P2RY8: variants seen among roughly 807,000 people sequenced by gnomAD.
P2RY8 encodes P2Y receptor family member 8.
A neutral mutation model predicts 10.0 loss-of-function variants in P2RY8; 6 were observed. That is an observed-to-expected ratio of 0.60 (90% CI 0.33 to 1.19). The LOEUF (loss-of-function observed/expected upper bound fraction) is 1.19. Ranked by LOEUF, P2RY8 falls within the 50% of genes most tolerant of loss-of-function variation. The probability of loss-of-function intolerance (pLI) is 0.04; values close to 1 mark genes in which losing one functional copy is unlikely to be tolerated. For synonymous variants in P2RY8, 276 were observed against 252.5 expected (o/e 1.09, Z -0.88); for missense variants, 456 against 542.0 (o/e 0.84, Z 1.58).
chrX:1,515,933 G>C (rs1187591373), intron 1 of P2RY8, among the ~76,000 whole-genome samples: 1 of 75,850 alleles, frequency 1.3e-5, no homozygotes, highest in Admixed American at 1.4e-4. Context: ...CAGCACTTTG[G>C]GAGGCCGAGG....
chrX:1,509,796 C>CTAT lies in P2RY8; in HGVS notation c.-25+27124_-25+27125insATA, dbSNP rs1556682883. Among the ~76,000 whole-genome samples the CTAT allele has an allele frequency of 9.2e-3, 958 of 104,448 alleles. 51 individuals carry two copies. The highest frequency in any genetic ancestry group is 0.029 in the Middle Eastern group (3 of 102). 68.5% of individuals were successfully genotyped at this position (104,448 alleles called of 152,430 possible). A position where few individuals can be genotyped will look rare whatever the true frequency, so the allele number is the denominator to read the frequency against. ...ATCTATCTATCATCTATGTATCCAT[C>CTAT]CTATCTATCTATCTATCTATCTATC... On this transcript the variant is annotated intron_variant, in intron 1 of 1. Transcript: ENST00000381297.
chrX:1,520,434 G>A (rs2092382653), intron 1 of P2RY8, among the ~76,000 whole-genome samples: 1 of 149,592 alleles, frequency 6.7e-6, no homozygotes, highest in Admixed American at 6.7e-5. Context: ...TAATCTCTCT[G>A]GTCCCCAATA....
chrX:1,491,293 C>G (rs2149391193), intron 1 of P2RY8, among the ~76,000 whole-genome samples: 1 of 152,172 alleles, frequency 6.6e-6, no homozygotes, highest in East Asian at 1.9e-4. Context: ...GAATGATACC[C>G]AGATATTCCC....
Position 1,490,388 on chromosome X carries a change from G to A in P2RY8, c.-24-23806C>T, listed in dbSNP as rs1272253059. ...ATACCCAGATATTCCCTGCAAATGT[G>A]GAGGGAATGAATGAATGATACCCCA... On this transcript the variant is annotated intron_variant, in intron 1 of 1. Coordinates refer to ENST00000381297, the MANE Select transcript of P2RY8 (RefSeq NM_178129.5). Among the ~76,000 whole-genome samples the A allele has an allele frequency of 2.7e-5, 4 of 150,062 alleles. 1 individual carries two copies. Among genetic ancestry groups the A allele is most frequent in the Non-Finnish European group, 5.9e-5 (4 of 67,588 alleles).
At chrX:1,511,039 C>T (rs2092294615) in intron 1 of P2RY8, among the ~76,000 whole-genome samples, 1 of 150,754 alleles carries the variant, frequency 6.6e-6, no homozygotes, top group Admixed American at 6.6e-5. Context: ...AATTAGCCAG[C>T]TGTGGTGGCA....
At chrX:1,476,837 A>G (rs2091879836) in intron 1 of P2RY8, among the ~76,000 whole-genome samples, 1 of 151,976 alleles carries the variant, frequency 6.6e-6, no homozygotes, top group African/African-American at 2.4e-5. Flanking sequence ...CACCACAGAG[A>G]AGCATCCAGC....
Position 1,465,745 on chromosome X carries a change from A to G in P2RY8, c.814T>C (p.Tyr272His). Residue 272 changes from tyrosine to histidine, a missense_variant, in exon 2 of 2, where the codon TAC becomes CAC. Tyr to His is a moderately conservative substitution (Grantham distance 83). Transcript: ENST00000381297. ...VSRLFYGKSY[Y>H]HVYKLTLCLS... ...CACAGCGTGAGCTTGTACACGTGGT[A>G]GTAGCTCTTGCCGTAGAACAGGCGG... 1 of 1,613,720 alleles carries G rather than the reference A, an allele frequency of 6.2e-7. No individual in the cohort carries two copies. The highest frequency in any genetic ancestry group is 8.5e-7 in the Non-Finnish European group (1 of 1,179,844).
chrX:1,533,999 A>G (rs1380133298), intron 1 of P2RY8, among the ~76,000 whole-genome samples: 1 of 124,710 alleles, frequency 8.0e-6, no homozygotes, highest in African/African-American at 3.2e-5. Context: ...TTTATATATT[A>G]TTTATATATT....
At chrX:1,527,097 G>A (rs1603458639) in intron 1 of P2RY8, among the ~76,000 whole-genome samples, 1 of 152,196 alleles carries the variant, frequency 6.6e-6, no homozygotes, top group Admixed American at 6.5e-5. Flanking sequence ...GTTTCACCAC[G>A]CTGGCCAGGC....
At chrX:1,516,334 G>A (rs2092348802) in intron 1 of P2RY8, among the ~76,000 whole-genome samples, 1 of 152,100 alleles carries the variant, frequency 6.6e-6, no homozygotes, top group African/African-American at 2.4e-5. Context: ...ACAACCCTGT[G>A]GGGACACAGG....
At chrX:1,526,244 C>T (rs1482926020) in intron 1 of P2RY8, among the ~76,000 whole-genome samples, 1 of 151,774 alleles carries the variant, frequency 6.6e-6, no homozygotes, top group Non-Finnish European at 1.5e-5. Context: ...ATCCATACAT[C>T]CACTATTCAT....
chrX:1,489,354 A>C (rs1281876673), intron 1 of P2RY8, among the ~76,000 whole-genome samples: 1 of 151,666 alleles, frequency 6.6e-6, no homozygotes, highest in Admixed American at 6.6e-5. Flanking sequence ...GAATGAATGA[A>C]CGACACCTAA....
chrX:1,497,221 C>A (rs868762867), intron 1 of P2RY8, among the ~76,000 whole-genome samples: 360 of 84,444 alleles, frequency 4.3e-3, no homozygotes, highest in African/African-American at 4.9e-3. Context: ...GACTCCGTCT[C>A]AAAAAAAAAA....
Position 1,462,883 on chromosome X carries a change from C to T in P2RY8, c.*2596G>A, listed in dbSNP as rs1270425911. 4.3e-6 allele frequency: 1 copy of T among 231,950 alleles called. No individual in the cohort carries two copies. Among genetic ancestry groups the T allele is most frequent in the African/African-American group, 2.2e-5 (1 of 45,180 alleles). 14.4% of individuals were successfully genotyped at this position (231,950 alleles called of 1,614,324 possible). On this transcript the variant is annotated 3_prime_UTR_variant, in exon 2 of 2. Transcript: ENST00000381297. ...TTTCACTCAAAGCTCAACCAGTGAA[C>T]AGACTGAGTCAGCTTCCAGGAAACA...
At position 1,466,150 on chromosome X, in the gene P2RY8, G is replaced by A. The variant is rs2091672695; in HGVS notation, c.409C>T (p.Arg137Cys). ...GCACACGCGGCCACCGCGTAACGAC[G>A]GCGGCGCCAGCGCTTGGAGCTGAGC... ...YPLSSKRWRR[R>C]RYAVAACAGT... Residue 137 changes from arginine to cysteine, a missense_variant, in exon 2 of 2, where the codon CGT becomes TGT. Transcript: ENST00000381297. The A allele has an allele frequency of 1.2e-6, 2 of 1,611,968 alleles. No homozygotes were observed. The highest frequency in any genetic ancestry group is 1.7e-6 in the Non-Finnish European group (2 of 1,179,244).
At chrX:1,510,620 G>A (rs2092291958) in intron 1 of P2RY8, among the ~76,000 whole-genome samples, 1 of 152,142 alleles carries the variant, frequency 6.6e-6, no homozygotes, top group Non-Finnish European at 1.5e-5. Context: ...GCTCATGCCT[G>A]TAATACCAGC....
intron 1 of P2RY8, among the ~76,000 whole-genome samples, chrX:1,511,469 C>A (rs1377868792): frequency 6.6e-6 from 1 of 152,218 alleles, no homozygotes. Flanking sequence ...CATTTCCCAG[C>A]CTGTTAGGCT....
chrX:1,506,391 C>T (rs2092233538), intron 1 of P2RY8, among the ~76,000 whole-genome samples: 1 of 152,108 alleles, frequency 6.6e-6, no homozygotes, highest in Non-Finnish European at 1.5e-5. Context: ...AAGTTTGTGT[C>T]CTTCTAGACA....
Position 1,512,440 on chromosome X carries a change from G to A in P2RY8, c.-25+24481C>T, listed in dbSNP as rs189398468. The stretch of plus-strand genomic sequence containing the variant: ...TGGGTACCTGTCATCCCAGCTACTC[G>A]GGAGGCTGAAGCAGGAGAATCGCTT... On this transcript the variant is annotated intron_variant, in intron 1 of 1. Coordinates refer to ENST00000381297, the MANE Select transcript of P2RY8 (RefSeq NM_178129.5). Among the ~76,000 whole-genome samples, 753 of 151,574 alleles carry A rather than the reference G, an allele frequency of 5.0e-3. 8 individuals are homozygous for A. The highest frequency in any genetic ancestry group is 0.018 in the African/African-American group (727 of 41,326).
Sources: allele counts gnomAD v4.1 joint callset (sites outside exome capture counted in the v4.1 genomes callset), GRCh38; gene constraint gnomAD v4.1.1; transcripts MANE v1.5; gene names NCBI Gene and HGNC (gene_info 2026-07-23, HGNC 2026-07-21).